KHDRBS2: variants seen among roughly 807,000 people sequenced by gnomAD.
KHDRBS2 encodes KH RNA binding domain containing, signal transduction associated 2.
In KHDRBS2, 26 loss-of-function variants were observed where a neutral mutation model predicts 44.3. The observed-to-expected ratio is 0.59, with a 90% CI of 0.43 to 0.81. The LOEUF (loss-of-function observed/expected upper bound fraction) is 0.81, where lower values mean the gene tolerates loss of function less well. Among genes scored for constraint, KHDRBS2 ranks in the 40% least tolerant of loss-of-function variants. KHDRBS2 has a pLI of 0.00. For missense variants in KHDRBS2, 476 were observed against 433.1 expected (o/e 1.10, Z -0.88); for synonymous variants, 194 against 151.1 (o/e 1.28, Z -2.08).
chr6:61,757,376 G>C (rs922715967), intron 6 of KHDRBS2, among the ~76,000 whole-genome samples: 15 of 152,074 alleles, frequency 9.9e-5, no homozygotes. Context: ...TTCCAGTTTT[G>C]TCACATACTC....
chr6:61,773,518 A>T (rs1387713464), intron 6 of KHDRBS2, among the ~76,000 whole-genome samples: 1 of 151,380 alleles, frequency 6.6e-6, no homozygotes, highest in Non-Finnish European at 1.5e-5. Context: ...ATTTGTTTTG[A>T]GTTCATTGTA....
intron 1 of KHDRBS2, among the ~76,000 whole-genome samples, chr6:62,243,114 T>C (rs1005699909): frequency 1.3e-5 from 2 of 152,180 alleles, no homozygotes; most frequent in East Asian, 1.9e-4. Flanking sequence ...CAAGTTGTTC[T>C]AGAAATACAA....
At chr6:61,712,317 G>A (rs1161876641) in intron 7 of KHDRBS2, among the ~76,000 whole-genome samples, 2 of 151,798 alleles carry the variant, frequency 1.3e-5, no homozygotes, top group South Asian at 2.1e-4. Context: ...ATACTCTACC[G>A]CATTCTGGGT....
intron 7 of KHDRBS2, among the ~76,000 whole-genome samples, chr6:61,716,695 T>C (rs1771485260): frequency 1.3e-5 from 2 of 152,182 alleles, no homozygotes; most frequent in African/African-American, 4.8e-5. Context: ...GTCGTATACA[T>C]TCACAAACAT....
intron 3 of KHDRBS2, among the ~76,000 whole-genome samples, chr6:61,985,986 G>C (rs1774986458): frequency 6.6e-6 from 1 of 151,896 alleles, no homozygotes; most frequent in Non-Finnish European, 1.5e-5. Flanking sequence ...AGAAACATTG[G>C]GTGGATTTTG....
chr6:62,020,078 T>C (rs1781974766), intron 3 of KHDRBS2, among the ~76,000 whole-genome samples: 2 of 152,102 alleles, frequency 1.3e-5, no homozygotes, highest in South Asian at 4.1e-4. Flanking sequence ...CACCTAAATT[T>C]GATTTAGTGG....
intron 3 of KHDRBS2, among the ~76,000 whole-genome samples, chr6:62,010,001 G>A (rs1584133116): frequency 2.0e-5 from 3 of 152,052 alleles, no homozygotes; most frequent in Admixed American, 6.6e-5. Flanking sequence ...CAGGGCCACC[G>A]TCCTCCAGAT....
chr6:61,926,794 G>A (rs1809051583), intron 4 of KHDRBS2, among the ~76,000 whole-genome samples: 1 of 150,046 alleles, frequency 6.7e-6, no homozygotes, highest in Non-Finnish European at 1.5e-5. Context: ...GAGAATGACA[G>A]CTAGTAGAGC....
intron 6 of KHDRBS2, among the ~76,000 whole-genome samples, chr6:61,787,852 C>A (rs1192067): frequency 6.6e-6 from 1 of 151,364 alleles, no homozygotes; most frequent in African/African-American, 2.4e-5. Context: ...AAAAGTTTAT[C>A]ATAATCTCAG....
intron 2 of KHDRBS2, among the ~76,000 whole-genome samples, chr6:62,081,535 T>C (rs1797391902): frequency 6.6e-6 from 1 of 152,094 alleles, no homozygotes; most frequent in Non-Finnish European, 1.5e-5. Flanking sequence ...TTAAATGGAA[T>C]CATGCAAAAT....
intron 4 of KHDRBS2, among the ~76,000 whole-genome samples, chr6:61,942,552 A>G (rs1435329743): frequency 6.6e-6 from 1 of 152,144 alleles, no homozygotes; most frequent in South Asian, 2.1e-4. Flanking sequence ...ATAAAAAAGA[A>G]AAAGCAAAGG....
intron 6 of KHDRBS2, among the ~76,000 whole-genome samples, chr6:61,752,052 C>T (rs1369800001): frequency 2.0e-5 from 3 of 152,002 alleles, no homozygotes; most frequent in African/African-American, 7.2e-5. Context: ...CTTTAAAGGC[C>T]CTGTCTCGAA....
chr6:62,015,630 A>C lies in KHDRBS2; in HGVS notation c.336+32248T>G, dbSNP rs111803594. Reference sequence around the variant, plus strand: ...CCGAAAAGCTTTGTTTCTACTCACTAACTCCACCTCTAGTTTCATGGTTAG... The same window carrying C: ...CCGAAAAGCTTTGTTTCTACTCACTCACTCCACCTCTAGTTTCATGGTTAG... On this transcript the variant is annotated intron_variant, in intron 3 of 8. Coordinates refer to ENST00000281156, the MANE Select transcript of KHDRBS2 (RefSeq NM_152688.4). 5.8e-4 allele frequency among the ~76,000 whole-genome samples: 89 copies of C among 152,236 alleles called. 1 individual carries two copies. Among genetic ancestry groups the C allele is most frequent in the African/African-American group, 1.9e-3 (81 of 41,570 alleles).
intron 3 of KHDRBS2, among the ~76,000 whole-genome samples, chr6:62,028,273 T>A (rs537242353): frequency 2.4e-4 from 37 of 152,232 alleles, no homozygotes; most frequent in African/African-American, 8.9e-4. Context: ...TATATTTTAT[T>A]TGTAAAAACA....
At chr6:62,267,901 C>A (rs1839458332) in intron 1 of KHDRBS2, among the ~76,000 whole-genome samples, 1 of 151,832 alleles carries the variant, frequency 6.6e-6, no homozygotes, top group Non-Finnish European at 1.5e-5. Flanking sequence ...AATTATTGTT[C>A]AATACTATGA....
intron 7 of KHDRBS2, among the ~76,000 whole-genome samples, chr6:61,698,603 C>G (rs1363979221): frequency 2.6e-5 from 4 of 152,076 alleles, no homozygotes; most frequent in African/African-American, 9.7e-5. Flanking sequence ...TAGCTCCCTA[C>G]TCAAAATTCA....
chr6:61,818,963 AG>A (rs913257968), intron 6 of KHDRBS2, among the ~76,000 whole-genome samples: 3 of 152,018 alleles, frequency 2.0e-5, no homozygotes, highest in African/African-American at 7.2e-5. Flanking sequence ...GCGTTTTTGG[AG>A]CCCAAAAGGT....
chr6:62,206,568 A>C (rs2150141888), intron 1 of KHDRBS2, among the ~76,000 whole-genome samples: 1 of 152,230 alleles, frequency 6.6e-6, no homozygotes, highest in South Asian at 2.1e-4. Flanking sequence ...AAATAGGAAG[A>C]GTGATGCTTT....
At chr6:61,572,075 A>G in the KHDRBS2 span, among the ~76,000 whole-genome samples, 1 of 152,126 alleles carries the variant, frequency 6.6e-6, no homozygotes, top group South Asian at 2.1e-4. Context: ...CATCAGAAAT[A>G]TTAACCAAAC....
Sources: allele counts gnomAD v4.1 joint callset (sites outside exome capture counted in the v4.1 genomes callset), GRCh38; gene constraint gnomAD v4.1.1; transcripts MANE v1.5; gene names NCBI Gene and HGNC (gene_info 2026-07-23, HGNC 2026-07-21).